STS: variants seen among roughly 807,000 people sequenced by gnomAD.
STS encodes steroid sulfatase.
Under a neutral mutation model 26.8 loss-of-function variants are expected in STS, and 7 were observed. That is an observed-to-expected ratio of 0.26 (90% CI 0.15 to 0.49). The LOEUF is 0.49. STS is among the 20% of genes least tolerant of loss of function. The probability of loss-of-function intolerance (pLI) is 0.98; values close to 1 mark genes in which losing one functional copy is unlikely to be tolerated. For synonymous variants in STS, 199 were observed against 189.4 expected, an observed-to-expected ratio of 1.05 and a Z score of -0.42; for missense variants, 434 against 465.6, an observed-to-expected ratio of 0.93 and a Z score of 0.63.
chrX:7,261,609 G>A (rs751361533), intron 6 of STS, among the ~76,000 whole-genome samples: 80 of 111,357 alleles, frequency 7.2e-4, no homozygotes, highest in Non-Finnish European at 1.4e-3. Context: ...TTTACTGGAG[G>A]TTGGGAATGG....
At chrX:7,177,460 T>A (rs1933594242) in intron 1 of STS, among the ~76,000 whole-genome samples, 1 of 105,979 alleles carries the variant, frequency 9.4e-6, no homozygotes, top group African/African-American at 3.4e-5. Flanking sequence ...ATATATATAT[T>A]ATATATGTAT....
chrX:7,281,244 T>C (rs1159124491), intron 7 of STS, among the ~76,000 whole-genome samples: 1 of 110,373 alleles, frequency 9.1e-6, no homozygotes, highest in Non-Finnish European at 1.9e-5. Flanking sequence ...AATCAACTGA[T>C]TTTATGAGAT....
chrX:7,352,870 A>G lies in STS; in HGVS notation c.*2609A>G, dbSNP rs1285022971. The G allele has an allele frequency of 3.6e-5, 4 of 110,910 alleles. No individual in the cohort carries two copies. Among genetic ancestry groups the G allele is most frequent in the Non-Finnish European group, 7.5e-5 (4 of 53,064 alleles). The allele number at this position is 110,910 out of a possible 1,213,427, so 9.1% of individuals were successfully genotyped here. On this transcript the variant is annotated 3_prime_UTR_variant, in exon 11 of 11. Transcript: ENST00000674429. ...AATCTACGTATCTATGGTACTAAGG[A>G]AGTCCTGTTTTTCAAAAATGGAAGC...
intron 8 of STS, among the ~76,000 whole-genome samples, chrX:7,310,947 A>T (rs1926446625): frequency 9.0e-6 from 1 of 111,516 alleles, no homozygotes; most frequent in African/African-American, 3.3e-5. Flanking sequence ...AAGCTAGCCC[A>T]AGCCCACACA....
chrX:7,193,621 A>C (rs1330516747), intron 2 of STS, among the ~76,000 whole-genome samples: 6 of 111,338 alleles, frequency 5.4e-5, no homozygotes, highest in Non-Finnish European at 1.1e-4. Flanking sequence ...ATCCTTTCCT[A>C]ATGTTCTCAG....
rs766306709 is a variant in STS, at chrX:7,149,121, C to T, written c.-134+1038C>T. Among the ~76,000 whole-genome samples the T allele has an allele frequency of 3.6e-5, 4 of 111,212 alleles. No individual in the cohort carries two copies. In the South Asian group the frequency reaches 1.1e-3, roughly 32 times the overall value. ...CGTGAGGGTGTGCTGGGCGCAGTGG[C>T]CCACACCTGTAATCCCAGTACTTAG... is the stretch of plus-strand genomic sequence containing the variant. On this transcript the variant is annotated intron_variant, in intron 1 of 10. Coordinates refer to ENST00000674429, the MANE Select transcript of STS (RefSeq NM_001320752.2).
chrX:7,282,425 T>C (rs140830878), intron 7 of STS, among the ~76,000 whole-genome samples: 4,651 of 112,236 alleles, frequency 0.041, 229 homozygotes, highest in African/African-American at 0.14. Context: ...GGTCTTGAAC[T>C]CCTGGGCTCA....
At chrX:7,299,237 T>TAATTATAAAATTTATAATTATA (rs1925838687) in intron 7 of STS, among the ~76,000 whole-genome samples, 1 of 96,680 alleles carries the variant, frequency 1.0e-5, no homozygotes, top group Admixed American at 1.3e-4. Context: ...TAATTATATA[T>TAATTATAAAATTTATAATTATA]AATTATAAAA....
chrX:7,318,688 G>A (rs994050713), intron 8 of STS, among the ~76,000 whole-genome samples: 6 of 110,857 alleles, frequency 5.4e-5, no homozygotes, highest in Admixed American at 9.7e-5. Context: ...AGCGTTTCTC[G>A]GGTGTGACAA....
In STS at chrX:7,291,437, A is replaced by C. The variant is rs183482953; in HGVS notation, c.944-13609A>C. On this transcript the variant is annotated intron_variant, in intron 7 of 10. Coordinates refer to ENST00000674429, the MANE Select transcript of STS (RefSeq NM_001320752.2). ...AGAAGTAGAAAAAAGAGAAGGTTATAACATAGCATATACTTTCGTATATTA... is the reference window on the plus strand; with the variant it reads ...AGAAGTAGAAAAAAGAGAAGGTTATCACATAGCATATACTTTCGTATATTA... Among the ~76,000 whole-genome samples the C allele has an allele frequency of 4.7e-3, 531 of 112,260 alleles. 2 individuals carry two copies. Among genetic ancestry groups the C allele is most frequent in the Non-Finnish European group, 7.2e-3 (382 of 53,240 alleles).
At chrX:7,249,542 C>A (rs1352034686) in intron 2 of STS, among the ~76,000 whole-genome samples, 1 of 111,470 alleles carries the variant, frequency 9.0e-6, no homozygotes, top group Non-Finnish European at 1.9e-5. Flanking sequence ...ACTACAGAGC[C>A]CTGGGAAATG....
intron 7 of STS, among the ~76,000 whole-genome samples, chrX:7,284,187 T>G (rs1390981295): frequency 7.1e-5 from 8 of 112,068 alleles, no homozygotes; most frequent in African/African-American, 2.3e-4. Flanking sequence ...GACTGCTCAT[T>G]CATTAACTGA....
intron 7 of STS, among the ~76,000 whole-genome samples, chrX:7,293,162 C>T (rs371680432): frequency 3.6e-5 from 4 of 111,983 alleles, no homozygotes; most frequent in South Asian, 3.8e-4. Context: ...TCTCTACTTC[C>T]GGGTTAGACT....
intron 2 of STS, among the ~76,000 whole-genome samples, chrX:7,225,929 C>T (rs191513224): frequency 1.2e-3 from 138 of 112,247 alleles, no homozygotes; most frequent in African/African-American, 4.3e-3. Flanking sequence ...GGATGTAGCC[C>T]ATGACTTCAT....
At chrX:7,235,627 G>A (rs1484889124) in intron 2 of STS, among the ~76,000 whole-genome samples, 1 of 111,456 alleles carries the variant, frequency 9.0e-6, no homozygotes, top group African/African-American at 3.3e-5. Flanking sequence ...TTAAAAATTG[G>A]CCAGACAGAC....
rs188358709 is a variant in STS, at chrX:7,254,844, A to G, written c.137+1508A>G. On this transcript the variant is annotated intron_variant, in intron 3 of 10. Coordinates refer to ENST00000674429, the MANE Select transcript of STS (RefSeq NM_001320752.2). Reference sequence around the variant, plus strand: ...GTGATCCACCTGCCTCGGCCTCCCAAAGTGCTGGGGTTACAGGCATGAGCC... The same window carrying G: ...GTGATCCACCTGCCTCGGCCTCCCAGAGTGCTGGGGTTACAGGCATGAGCC... Among the ~76,000 whole-genome samples the G allele has an allele frequency of 5.7e-3, 632 of 110,443 alleles. 8 individuals are homozygous for G. Among genetic ancestry groups the G allele is most frequent in the African/African-American group, 0.019 (593 of 30,424 alleles).
chrX:7,175,409 A>G (rs761425767), intron 1 of STS, among the ~76,000 whole-genome samples: 6 of 110,512 alleles, frequency 5.4e-5, no homozygotes, highest in African/African-American at 2.0e-4. Flanking sequence ...TAGGAAGATA[A>G]CCTGAGGCCA....
At chrX:7,245,911 A>G (rs980118973) in intron 2 of STS, among the ~76,000 whole-genome samples, 1 of 112,001 alleles carries the variant, frequency 8.9e-6, no homozygotes, top group African/African-American at 3.2e-5. Context: ...CATTGTTACA[A>G]TCGTGGTGTT....
At chrX:7,207,774 A>T (rs1920960809) in intron 2 of STS, among the ~76,000 whole-genome samples, 1 of 112,558 alleles carries the variant, frequency 8.9e-6, no homozygotes, top group Non-Finnish European at 1.9e-5. Context: ...TAAACTGGTC[A>T]GGAACTTCAC....
Sources: allele counts gnomAD v4.1 joint callset (sites outside exome capture counted in the v4.1 genomes callset), GRCh38; gene constraint gnomAD v4.1.1; transcripts MANE v1.5; gene names NCBI Gene and HGNC (gene_info 2026-07-23, HGNC 2026-07-21).